DAW1: variants seen among roughly 807,000 people sequenced by gnomAD.
DAW1 encodes dynein assembly factor with WD repeat domains 1.
A neutral mutation model predicts 56.5 loss-of-function variants in DAW1; 47 were observed. That is an observed-to-expected ratio of 0.83 (90% confidence interval 0.66 to 1.06). The LOEUF is 1.06. DAW1 is among the 50% of genes least tolerant of loss of function. The pLI is 0.00. For missense variants in DAW1, 505 were observed against 499.3 expected (o/e 1.01, Z -0.11); for synonymous variants, 190 against 179.0 (o/e 1.06, Z -0.49).
chr2:227,895,120 G>T (rs535308016), intron 5 of DAW1, among the ~76,000 whole-genome samples: 92 of 152,278 alleles, frequency 6.0e-4, no homozygotes, highest in Non-Finnish European at 8.8e-4. Flanking sequence ...TCTGTACTCA[G>T]ATTGTTCTGC....
chr2:227,893,718 T>C, intron 4 of DAW1, 77 bp from the exon 5 acceptor site: 2 of 1,534,970 alleles, frequency 1.3e-6, no homozygotes, highest in Non-Finnish European at 1.7e-6. Context: ...AGAGTTATTA[T>C]CCTACAGGTA....
At position 227,893,785 on chromosome 2, in the gene DAW1, C is replaced by T; in HGVS notation, c.318-10C>T. 6.2e-7 allele frequency: 1 copy of T among 1,606,222 alleles called. No homozygotes were observed. The highest frequency in any genetic ancestry group is 8.5e-7 in the Non-Finnish European group (1 of 1,177,492). On this transcript the variant is annotated splice_polypyrimidine_tract_variant and intron_variant, in intron 4 of 12. Transcript: ENST00000309931. ...TCTTCCCTGCAACGTGTTTATATTC[C>T]TTGTGTTAGCTTTATCACAGGAAGC...
chr2:227,885,922 G>A (rs147123756), intron 2 of DAW1, among the ~76,000 whole-genome samples: 9 of 150,360 alleles, frequency 6.0e-5, no homozygotes, highest in Admixed American at 5.3e-4. Flanking sequence ...AGCTGCGACC[G>A]TTTCTCAGAC....
At chr2:227,904,896 A>T in intron 7 of DAW1, 33 bp from the exon 8 acceptor site, 1 of 1,554,426 alleles carries the variant, frequency 6.4e-7, no homozygotes, top group Admixed American at 1.7e-5. Flanking sequence ...TTTTATCTGC[A>T]GGTATACTTG....
intron 1 of DAW1, among the ~76,000 whole-genome samples, chr2:227,874,536 G>T (rs1457467300): frequency 6.6e-6 from 1 of 152,158 alleles, no homozygotes; most frequent in Non-Finnish European, 1.5e-5. Flanking sequence ...CAACCACTCT[G>T]CTTTTCTTTG....
At chr2:227,907,760 C>T (rs755391774) in intron 10 of DAW1, among the ~76,000 whole-genome samples, 10 of 152,164 alleles carry the variant, frequency 6.6e-5, no homozygotes, top group Non-Finnish European at 1.3e-4. Context: ...GTTGGCCAGG[C>T]TGGTCTCGAA....
intron 11 of DAW1, among the ~76,000 whole-genome samples, chr2:227,920,148 T>C (rs1037897452): frequency 6.6e-6 from 1 of 152,212 alleles, no homozygotes; most frequent in Admixed American, 6.5e-5. Context: ...AACATCTATT[T>C]TCATGAATGA....
chr2:227,912,732 C>T (rs16824197), intron 10 of DAW1, among the ~76,000 whole-genome samples: 129,586 of 152,118 alleles, frequency 0.85, 55,365 homozygotes, highest in Middle Eastern at 0.96. Context: ...TGTAGGATGG[C>T]ATATTCTGGG....
At chr2:227,907,504 A>G (rs910959240) in intron 10 of DAW1, among the ~76,000 whole-genome samples, 2 of 152,048 alleles carry the variant, frequency 1.3e-5, no homozygotes, top group Non-Finnish European at 2.9e-5. Flanking sequence ...CATCTTCTTA[A>G]TATCTGTATA....
At chr2:227,874,416 C>T (rs762970584) in intron 1 of DAW1, among the ~76,000 whole-genome samples, 4 of 152,128 alleles carry the variant, frequency 2.6e-5, no homozygotes, top group Admixed American at 1.3e-4. Flanking sequence ...CATGTTTTCA[C>T]GCGGATTGCC....
chr2:227,923,245 C>T (rs561054674), intron 12 of DAW1, among the ~76,000 whole-genome samples: 1 of 152,296 alleles, frequency 6.6e-6, no homozygotes, highest in East Asian at 1.9e-4. Flanking sequence ...ACTCTATTTT[C>T]CGAGTGGACC....
At chr2:227,893,657 G>A in intron 4 of DAW1, 138 bp from the exon 5 acceptor site, 1 of 1,348,158 alleles carries the variant, frequency 7.4e-7, no homozygotes, top group Non-Finnish European at 9.8e-7. Flanking sequence ...GAGTGACAGA[G>A]CGAGACTCCC....
intron 10 of DAW1, among the ~76,000 whole-genome samples, chr2:227,909,270 A>ATCTATCTATCTATCTG (rs1553603365): frequency 0.052 from 7,551 of 144,134 alleles, 224 homozygotes; most frequent in African/African-American, 0.065. Context: ...CTATCTATCT[A>ATCTATCTATCTATCTG]TCTGTCTGTC....
chr2:227,905,185 T>C, intron 8 of DAW1, 150 bp downstream of exon 8: 1 of 531,522 alleles, frequency 1.9e-6, no homozygotes, highest in East Asian at 3.6e-5. Context: ...ATTCATTCTT[T>C]AATGATATTT....
chr2:227,885,501 T>C, intron 2 of DAW1, 78 bp downstream of exon 2: 2 of 1,049,784 alleles, frequency 1.9e-6, no homozygotes, highest in East Asian at 2.5e-5. Context: ...ATGAGCTGCA[T>C]AAACTGCAGA....
chr2:227,922,343 T>C (rs1308911698), intron 12 of DAW1, among the ~76,000 whole-genome samples: 1 of 152,208 alleles, frequency 6.6e-6, no homozygotes, highest in Non-Finnish European at 1.5e-5. Flanking sequence ...TAACAGTTTA[T>C]GGTGAATTAA....
At chr2:227,919,636 A>G (rs1692058077) in intron 11 of DAW1, among the ~76,000 whole-genome samples, 1 of 152,222 alleles carries the variant, frequency 6.6e-6, no homozygotes, top group South Asian at 2.1e-4. Context: ...TTTTGAAACT[A>G]CAAAGCTGTG....
chr2:227,912,572 CTTTGTG>C (rs1691855577), intron 10 of DAW1: 1 of 1,182,732 alleles, frequency 8.5e-7, no homozygotes, highest in African/African-American at 1.6e-5. Context: ...CATTGCTACA[CTTTGTG>C]TTTGTCATCT....
In DAW1 at chr2:227,874,989, G is replaced by GC. The variant is rs1559300252; in HGVS notation, c.40+3260_40+3261insC. Among the ~76,000 whole-genome samples the GC allele has an allele frequency of 1.1e-4, 4 of 37,688 alleles. No homozygotes were observed. In the Admixed American group the frequency reaches 1.2e-3, roughly 11 times the overall value. The allele number at this position is 37,688 out of a possible 152,430, so 24.7% of individuals were successfully genotyped here. A position where few individuals can be genotyped will look rare whatever the true frequency, so the allele number is the denominator to read the frequency against. ...AAACAAACAAACAAACAAACAAACA[G>GC]AAAAACAAAAAACAAACCATCCCGC... On this transcript the variant is annotated intron_variant, in intron 1 of 12. Transcript: ENST00000309931.
Sources: gnomAD v4.1 joint callset for allele counts (sites outside exome capture counted in the v4.1 genomes callset) on GRCh38, gnomAD v4.1.1 for gene constraint, MANE v1.5 for transcripts, NCBI Gene and HGNC (gene_info 2026-07-23, HGNC 2026-07-21) for gene names.